The following SPATA22 variants were observed in gnomAD, a reference collection of about 807,000 sequenced individuals.
SPATA22 encodes spermatogenesis associated 22.
Under a neutral mutation model 47.8 loss-of-function variants are expected in SPATA22, and 29 were observed. The ratio of observed to expected loss-of-function variants is 0.61; its 90% CI spans 0.45 to 0.83. The LOEUF (loss-of-function observed/expected upper bound fraction) is 0.83. Ranked by LOEUF, SPATA22 falls within the 40% of genes least tolerant of loss-of-function variation. The probability of loss-of-function intolerance (pLI) is 0.00; values close to 1 mark genes in which losing one functional copy is unlikely to be tolerated. For missense variants in SPATA22, 410 were observed against 421.7 expected (o/e 0.97, Z 0.24); for synonymous variants, 133 against 140.9 (o/e 0.94, Z 0.40).
Position 3,443,207 on chromosome 17 carries a change from C to T in SPATA22, c.867G>A (p.Gly289=). Residue 289 remains glycine, a synonymous_variant, in exon 8 of 9, where the codon GGG becomes GGA. Transcript: ENST00000572969. ...AAAAGACACAAGGCAGAGTATTTTT[C>T]CCATCCCTCATAAGAAAAGTCTTCG... is the stretch of plus-strand genomic sequence containing the variant. ...YYSKTFLMRD[G]KNTLPCVFYE... 1 of 1,610,328 alleles carries T rather than the reference C, an allele frequency of 6.2e-7. No homozygotes were observed. Among genetic ancestry groups the T allele is most frequent in the Non-Finnish European group, 8.5e-7 (1 of 1,177,938 alleles).
chr17:3,504,992 C>G (rs150796137), intron 1 of SPATA22, among the ~76,000 whole-genome samples: 159 of 152,370 alleles, frequency 1.0e-3, no homozygotes, highest in African/African-American at 3.7e-3. Context: ...GCCCACCCCT[C>G]TAGCCTTATT....
intron 8 of SPATA22, 87 bp downstream of exon 8, chr17:3,443,087 C>A: frequency 1.1e-6 from 1 of 929,836 alleles, no homozygotes; most frequent in East Asian, 2.7e-5. Flanking sequence ...AAATTGTTAA[C>A]AGAATTTATA....
At chr17:3,463,173 T>C (rs554211436) in intron 3 of SPATA22, among the ~76,000 whole-genome samples, 1 of 152,304 alleles carries the variant, frequency 6.6e-6, no homozygotes, top group African/African-American at 2.4e-5. Context: ...AAAAAGAATA[T>C]AAAACTTCAT....
chr17:3,481,903 G>A, intron 1 of SPATA22: 1 of 1,117,788 alleles, frequency 8.9e-7, no homozygotes, highest in East Asian at 2.6e-5. Flanking sequence ...AGGTGCAAGA[G>A]AAATGGGGTT....
At chr17:3,457,453 A>C (rs2073023280) in intron 5 of SPATA22, among the ~76,000 whole-genome samples, 1 of 152,178 alleles carries the variant, frequency 6.6e-6, no homozygotes, top group Non-Finnish European at 1.5e-5. Flanking sequence ...AATTTCAATG[A>C]TGTTTTTCAC....
rs769726762 is a variant in SPATA22, at chr17:3,481,803, T to A, written c.-73-12405A>T. The A allele has an allele frequency of 1.9e-6, 3 of 1,583,646 alleles. No individual in the cohort carries two copies. The South Asian group carries it at 3.4e-5, about 18-fold the overall frequency. On this transcript the variant is annotated intron_variant, in intron 1 of 8. Transcript: ENST00000541913. Reference sequence around the variant, plus strand: ...CAGATGTTTCATTACATTAAGGTAATGTTAATGTTATTAATTTATAAGTTA... The same window carrying A: ...CAGATGTTTCATTACATTAAGGTAAAGTTAATGTTATTAATTTATAAGTTA...
In SPATA22 at chr17:3,490,537, G is replaced by GC; in HGVS notation, c.-73-21140_-73-21139insG. Among the ~76,000 whole-genome samples the GC allele has an allele frequency of 6.6e-6, 1 of 152,024 alleles. No individual in the cohort carries two copies. Among genetic ancestry groups the GC allele is most frequent in the Non-Finnish European group, 1.5e-5 (1 of 67,956 alleles). On this transcript the variant is annotated intron_variant, in intron 1 of 8. Transcript: ENST00000541913. The surrounding 1 kb of genome is among the most constrained non-coding windows in gnomAD (Gnocchi z 4.6). ...GGAGTGAATTCCTCAACCTCAGATCGTGCGCACCCCACTGCAATCACAGAC... is the reference window on the plus strand; with the variant it reads ...GGAGTGAATTCCTCAACCTCAGATCGCTGCGCACCCCACTGCAATCACAGAC...
intron 6 of SPATA22, among the ~76,000 whole-genome samples, chr17:3,447,361 T>C (rs2072750342): frequency 2.0e-5 from 3 of 152,172 alleles, no homozygotes. Context: ...GTGAGGGTTG[T>C]GAAGAACATA....
upstream of SPATA22, among the ~76,000 whole-genome samples, chr17:3,472,744 A>C (rs760161536): frequency 1.3e-4 from 20 of 152,230 alleles, no homozygotes; most frequent in Non-Finnish European, 2.6e-4. Context: ...CTTAGAGATG[A>C]AAGGAAGATT....
intron 7 of SPATA22, 144 bp downstream of exon 7, chr17:3,446,328 C>T (rs1298937268): frequency 1.6e-6 from 1 of 632,358 alleles, no homozygotes; most frequent in Non-Finnish European, 2.5e-6. Flanking sequence ...ACCACAGGGA[C>T]TATTATTAAA....
At chr17:3,494,899 T>C (rs1031969312) in intron 1 of SPATA22, among the ~76,000 whole-genome samples, 1 of 152,176 alleles carries the variant, frequency 6.6e-6, no homozygotes, top group African/African-American at 2.4e-5. Context: ...CCCACAGCCA[T>C]GTAGCTATCA....
At chr17:3,502,498 T>C (rs1273576964) in intron 1 of SPATA22, 2 of 152,236 alleles carry the variant, frequency 1.3e-5, no homozygotes, top group Admixed American at 6.5e-5. Context: ...ATACTAAGCG[T>C]CCAGTCTATA....
chr17:3,454,762 G>A (rs1221674558), intron 5 of SPATA22, among the ~76,000 whole-genome samples: 10 of 152,024 alleles, frequency 6.6e-5, no homozygotes, highest in Admixed American at 2.0e-4. Context: ...ATAAACATGC[G>A]TGTGCATGTG....
intron 1 of SPATA22, among the ~76,000 whole-genome samples, chr17:3,489,563 AAAAAG>A (rs1002182091): frequency 1.1e-4 from 17 of 150,032 alleles, no homozygotes; most frequent in African/African-American, 4.3e-4. Flanking sequence ...TCTCCATTTT[AAAAAG>A]AAAAGACGAG....
At chr17:3,441,030 C>T (rs1042317800) in intron 8 of SPATA22, 1 of 151,968 alleles carries the variant, frequency 6.6e-6, no homozygotes, top group Non-Finnish European at 1.5e-5. Context: ...AAGTGTGATG[C>T]CTTTAGAGAC....
At chr17:3,502,205 C>CT (rs1428984292) in intron 1 of SPATA22, 1 of 152,088 alleles carries the variant, frequency 6.6e-6, no homozygotes, top group African/African-American at 2.4e-5. Context: ...TGATGGTTAG[C>CT]TTTTTTAGCA....
At chr17:3,495,352 CT>C (rs1251049807) in intron 1 of SPATA22, among the ~76,000 whole-genome samples, 3 of 152,126 alleles carry the variant, frequency 2.0e-5, no homozygotes, top group Admixed American at 6.5e-5. Context: ...ATACTCTGAT[CT>C]TTTTGGCTTG....
Position 3,469,408 on chromosome 17 carries a change from AAG to A in SPATA22, c.-73-12_-73-11del. 1 of 1,050,638 alleles carries A rather than the reference AAG, an allele frequency of 9.5e-7. No individual in the cohort carries two copies. The highest frequency in any genetic ancestry group is 1.4e-6 in the Non-Finnish European group (1 of 723,106). 65.1% of individuals were successfully genotyped at this position (1,050,638 alleles called of 1,614,324 possible). A position where few individuals can be genotyped will look rare whatever the true frequency, so the allele number is the denominator to read the frequency against. On this transcript the variant is annotated splice_polypyrimidine_tract_variant and intron_variant, in intron 1 of 8. Transcript: ENST00000572969. ...CATTGTCCCACTAGACCTGCAAAGA[AAG>A]AAACTTATAACTCGTATTGTCTCAA... is the stretch of plus-strand genomic sequence containing the variant.
At chr17:3,512,702 G>C (rs886203672) in intron 1 of SPATA22, 1 of 151,916 alleles carries the variant, frequency 6.6e-6, no homozygotes, top group African/African-American at 2.4e-5. Context: ...CTGACTCCGT[G>C]TCATTTCAGA....
Sources: gnomAD v4.1 joint callset for allele counts (sites outside exome capture counted in the v4.1 genomes callset) on GRCh38, gnomAD v4.1.1 for gene constraint, Gnocchi (gnomAD v3.1) non-coding constraint, MANE v1.5 for transcripts, NCBI Gene and HGNC (gene_info 2026-07-23, HGNC 2026-07-21) for gene names.